ANP32B: variants seen among roughly 807,000 people sequenced by gnomAD.
The protein encoded by ANP32B is acidic nuclear phosphoprotein 32 family member B.
Under a neutral mutation model 32.2 loss-of-function variants are expected in ANP32B, and 6 were observed. The observed-to-expected ratio is 0.19, with a 90% CI of 0.10 to 0.37. ANP32B has a LOEUF of 0.37. Among genes scored for constraint, ANP32B ranks in the 10% least tolerant of loss-of-function variants. ANP32B has a pLI of 1.00. For missense variants in ANP32B, 204 were observed against 289.2 expected (o/e 0.71, Z 2.14); for synonymous variants, 98 against 105.8 (o/e 0.93, Z 0.45).
chr9:98,001,863 C>A (rs1269700718), intron 3 of ANP32B, among the ~76,000 whole-genome samples: 1 of 151,640 alleles, frequency 6.6e-6, no homozygotes, highest in African/African-American at 2.4e-5. Context: ...AAAAAAAAAA[C>A]CTTCGATACA....
chr9:98,006,659 T>A (rs1396740653), intron 4 of ANP32B, among the ~76,000 whole-genome samples: 1 of 152,192 alleles, frequency 6.6e-6, no homozygotes, highest in African/African-American at 2.4e-5. Context: ...TTGTATAATA[T>A]GTGGCAACAA....
At chr9:97,996,895 C>A (rs564348531) in intron 2 of ANP32B, among the ~76,000 whole-genome samples, 1 of 151,928 alleles carries the variant, frequency 6.6e-6, no homozygotes, top group South Asian at 2.1e-4. Flanking sequence ...CCACCGTGCC[C>A]GGCCCACAAA....
rs1017983718 is a variant in ANP32B at position 97,983,598 on chromosome 9, A to G, written c.43A>G (p.Thr15Ala). The G allele has an allele frequency of 1.9e-6, 3 of 1,581,554 alleles. No individual in the cohort carries two copies. The highest frequency in any genetic ancestry group is 2.6e-6 in the Non-Finnish European group (3 of 1,164,950). Residue 15 changes from threonine (T) to alanine (A), a missense_variant, in exon 1 of 7, where the codon ACC (threonine) becomes GCC (alanine). Transcript: ENST00000339399. ...GATCCACCTGGAGCTGAGGAACCGG[A>G]CCCCGGCAGCTGTAAGCAGAGACCC... ...RRIHLELRNR[T>A]PAAVRELVLD...
intron 3 of ANP32B, among the ~76,000 whole-genome samples, chr9:98,000,311 G>T (rs1827968972): frequency 6.6e-6 from 1 of 152,050 alleles, no homozygotes; most frequent in South Asian, 2.1e-4. Flanking sequence ...TCTTTAAGTT[G>T]TCCATATTTA....
intron 1 of ANP32B, chr9:97,984,479 C>G (rs1468493159): frequency 6.6e-6 from 1 of 151,408 alleles, no homozygotes; most frequent in Non-Finnish European, 1.5e-5. Flanking sequence ...GCGGCGGCGG[C>G]GCCCGGGGCC....
At chr9:98,011,241 T>C in intron 4 of ANP32B, 30 bp from the exon 5 acceptor site, 1 of 1,549,818 alleles carries the variant, frequency 6.5e-7, no homozygotes, top group Non-Finnish European at 8.7e-7. Flanking sequence ...GTCGAGGATA[T>C]TTAATGAATC....
At chr9:98,014,601 A>G (rs913862891) in intron 6 of ANP32B, among the ~76,000 whole-genome samples, 3 of 152,108 alleles carry the variant, frequency 2.0e-5, no homozygotes, top group African/African-American at 4.8e-5. Flanking sequence ...GTTCCATACT[A>G]TGTTTTGTGT....
intron 1 of ANP32B, among the ~76,000 whole-genome samples, chr9:97,994,305 C>T (rs1038401588): frequency 2.6e-5 from 4 of 152,096 alleles, no homozygotes; most frequent in Non-Finnish European, 4.4e-5. Context: ...TAAAAGCTGC[C>T]CTTTGGGGAA....
rs759829356 is a variant in ANP32B, at chr9:97,988,134, T to C, written c.54+4525T>C. ...ATCCAAATGCTAGCTAGCTTGTTGC[T>C]TTTTTTTTTAGAAAAAAAATACAGT... On this transcript the variant is annotated intron_variant, in intron 1 of 6. Transcript: ENST00000339399. Among the ~76,000 whole-genome samples the C allele has an allele frequency of 5.7e-4, 83 of 145,162 alleles. 1 individual carries two copies. Among genetic ancestry groups the C allele is most frequent in the Non-Finnish European group, 1.0e-3 (69 of 66,476 alleles).
intron 4 of ANP32B, among the ~76,000 whole-genome samples, chr9:98,010,113 T>TG (rs549951058): frequency 3.3e-5 from 5 of 151,926 alleles, no homozygotes; most frequent in Admixed American, 1.3e-4. Flanking sequence ...CCTTGGAAGG[T>TG]GGGGGGCAGT....
chr9:97,995,292 T>C (rs2085040563), intron 2 of ANP32B, among the ~76,000 whole-genome samples: 1 of 152,200 alleles, frequency 6.6e-6, no homozygotes, highest in African/African-American at 2.4e-5. Flanking sequence ...CAGGAAAGTG[T>C]AGTAATTTGC....
intron 3 of ANP32B, among the ~76,000 whole-genome samples, chr9:98,000,372 G>A (rs2131586614): frequency 6.6e-6 from 1 of 152,196 alleles, no homozygotes; most frequent in African/African-American, 2.4e-5. Flanking sequence ...CATGCATTTT[G>A]CCCTTTTTCC....
At chr9:97,986,612 C>T (rs977600811) in intron 1 of ANP32B, 1 of 152,254 alleles carries the variant, frequency 6.6e-6, no homozygotes, top group Non-Finnish European at 1.5e-5. Flanking sequence ...GGAGATCACT[C>T]TCTTAAAATC....
chr9:97,995,134 C>A (rs566636904), intron 2 of ANP32B, among the ~76,000 whole-genome samples: 1 of 152,158 alleles, frequency 6.6e-6, no homozygotes, highest in African/African-American at 2.4e-5. Context: ...AATTCTCTAT[C>A]CTTTCGGAAA....
chr9:98,002,018 G>T (rs1166235752), intron 3 of ANP32B, among the ~76,000 whole-genome samples: 4 of 152,108 alleles, frequency 2.6e-5, no homozygotes, highest in African/African-American at 9.7e-5. Context: ...CTGGGGTCCC[G>T]CCATTCTGCT....
intron 3 of ANP32B, chr9:98,002,227 C>T (rs989906306): frequency 6.6e-6 from 1 of 152,128 alleles, no homozygotes; most frequent in African/African-American, 2.4e-5. Flanking sequence ...ACTTTGAGCC[C>T]AGTTCTTATA....
chr9:97,988,097 T>A (rs1827767181), intron 1 of ANP32B, among the ~76,000 whole-genome samples: 1 of 152,040 alleles, frequency 6.6e-6, no homozygotes, highest in Non-Finnish European at 1.5e-5. Flanking sequence ...CTAAACTTGG[T>A]TCATGCAAAT....
intron 1 of ANP32B, among the ~76,000 whole-genome samples, chr9:97,984,142 C>T (rs1362254455): frequency 5.3e-5 from 8 of 149,736 alleles, no homozygotes; most frequent in African/African-American, 2.0e-4. Context: ...GGTCAGCAGT[C>T]GTGGGGCGAG....
chr9:98,010,651 G>C (rs1018323314), intron 4 of ANP32B, among the ~76,000 whole-genome samples: 1 of 151,970 alleles, frequency 6.6e-6, no homozygotes, highest in African/African-American at 2.4e-5. Context: ...GCAGGTGAGA[G>C]CATGGTGTGC....
Sources: allele counts gnomAD v4.1 joint callset (sites outside exome capture counted in the v4.1 genomes callset), GRCh38; gene constraint gnomAD v4.1.1; transcripts MANE v1.5; gene names NCBI Gene and HGNC (gene_info 2026-07-23, HGNC 2026-07-21).